Variants in ATP10A observed in about 807,000 individuals in gnomAD.
ATP10A encodes phospholipid-transporting ATPase VA.
A neutral mutation model predicts 147.8 loss-of-function variants in ATP10A; 111 were observed. The ratio of observed to expected loss-of-function variants is 0.75; its 90% CI spans 0.64 to 0.88. The LOEUF (loss-of-function observed/expected upper bound fraction) is 0.88, where lower values mean the gene tolerates loss of function less well. Ranked by LOEUF, ATP10A falls within the 40% of genes least tolerant of loss-of-function variation. The pLI is 0.00. For missense variants in ATP10A, 1,927 were observed against 1,959.0 expected, an observed-to-expected ratio of 0.98 and a Z score of 0.31; for synonymous variants, 875 against 841.6, an observed-to-expected ratio of 1.04 and a Z score of -0.69.
In ATP10A at chr15:25,695,095, C is replaced by T. The variant is rs767439865; in HGVS notation, c.2812G>A (p.Gly938Ser). The change falls in exon 14 of 21, where the codon GGC becomes AGC. Residue 938 changes from glycine to serine, a missense_variant. Physicochemically the swap from Gly to Ser is moderately conservative, Grantham distance 56 (BLOSUM62 0). Transcript: ENST00000555815. The part of the protein sequence containing the change: ...DQCLCYVQSR[G>S]LQRAPEKTKG... ...GTCTTCTCAGGGGCTCTCTGGAGGC[C>T]TCTGGACTGCACGTAGCATAGGCAC... 6.2e-7 allele frequency: 1 copy of T among 1,614,136 alleles called. No individual in the cohort carries two copies. Among genetic ancestry groups the T allele is most frequent in the Non-Finnish European group, 8.5e-7 (1 of 1,180,022 alleles).
intron 2 of ATP10A, among the ~76,000 whole-genome samples, chr15:25,755,738 A>G (rs1445527881): frequency 1.3e-5 from 2 of 152,186 alleles, no homozygotes; most frequent in African/African-American, 2.4e-5. Context: ...TGCTTTGCCC[A>G]TTCATTAGTA....
At chr15:25,740,651 A>T (rs570960894) in intron 2 of ATP10A, among the ~76,000 whole-genome samples, 59 of 152,328 alleles carry the variant, frequency 3.9e-4, no homozygotes, top group African/African-American at 1.3e-3. Flanking sequence ...CAGCCTTGAC[A>T]TCACGCCTGG....
At chr15:25,685,639 TG>T (rs1178318013) in intron 16 of ATP10A, among the ~76,000 whole-genome samples, 1 of 152,048 alleles carries the variant, frequency 6.6e-6, no homozygotes, top group Non-Finnish European at 1.5e-5. Flanking sequence ...GACACCAGCC[TG>T]GGCAACATAG....
At chr15:25,752,674 G>A (rs1372585175) in intron 2 of ATP10A, among the ~76,000 whole-genome samples, 2 of 152,126 alleles carry the variant, frequency 1.3e-5, no homozygotes, top group Non-Finnish European at 2.9e-5. Context: ...ATAAATTTGA[G>A]GATTGCCTTT....
chr15:25,799,293 T>C (rs922544866), intron 1 of ATP10A, among the ~76,000 whole-genome samples: 2 of 152,146 alleles, frequency 1.3e-5, no homozygotes, highest in South Asian at 2.1e-4. Flanking sequence ...ACCCCCGTTA[T>C]GTCCAAACGC....
intron 15 of ATP10A, 140 bp downstream of exon 15, chr15:25,691,575 T>C: frequency 1.3e-6 from 1 of 766,972 alleles, no homozygotes; most frequent in East Asian, 2.5e-5. Flanking sequence ...GCAGCTGTAT[T>C]GAGCATCAGC....
chr15:25,680,354 T>C, intron 19 of ATP10A, 46 bp from the exon 20 acceptor site: 2 of 1,566,106 alleles, frequency 1.3e-6, no homozygotes, highest in Non-Finnish European at 1.8e-6. Context: ...CACCTAAAAG[T>C]GACAACAATG....
intron 1 of ATP10A, among the ~76,000 whole-genome samples, chr15:25,791,244 T>C (rs1269972852): frequency 1.4e-5 from 2 of 138,616 alleles, no homozygotes; most frequent in African/African-American, 5.2e-5. Context: ...CACACTTGGC[T>C]AGGGCAGGAC....
chr15:25,815,214 CACTT>C (rs1010946047), intron 1 of ATP10A, among the ~76,000 whole-genome samples: 1 of 152,182 alleles, frequency 6.6e-6, no homozygotes, highest in African/African-American at 2.4e-5. Context: ...AATGCCTACT[CACTT>C]AAACAACCCA....
downstream of ATP10A, among the ~76,000 whole-genome samples, chr15:25,673,516 T>C (rs1383379360): frequency 2.6e-5 from 4 of 152,200 alleles, no homozygotes; most frequent in East Asian, 3.9e-4. Flanking sequence ...GCCACACACA[T>C]AGGACTTTCA....
At chr15:25,806,266 T>C (rs1475455372) in intron 1 of ATP10A, among the ~76,000 whole-genome samples, 1 of 152,140 alleles carries the variant, frequency 6.6e-6, no homozygotes, top group Non-Finnish European at 1.5e-5. Flanking sequence ...TGTATGATGA[T>C]CCACTTCCAC....
In ATP10A at chr15:25,679,834, GTTCCCGA is replaced by G. The variant is rs765147553; in HGVS notation, c.4000_4006del (p.Ser1334ProfsTer40). 1 of 1,611,646 alleles carries G rather than the reference GTTCCCGA, an allele frequency of 6.2e-7. No individual in the cohort carries two copies. Among genetic ancestry groups the G allele is most frequent in the Non-Finnish European group, 8.5e-7 (1 of 1,179,942 alleles). On this transcript the variant is annotated frameshift_variant, in exon 21 of 21. Coordinates refer to ENST00000555815, the MANE Select transcript of ATP10A (RefSeq NM_024490.4). LOFTEE classifies it high-confidence loss of function. ...GACTGTCCTCCCTGATGAGTGCTCGGTTCCCGAGTCCTTCGGGAGGCGTCCCTGAGCA... is the reference window on the plus strand; with the variant it reads ...GACTGTCCTCCCTGATGAGTGCTCGGGTCCTTCGGGAGGCGTCCCTGAGCA...
At chr15:25,854,779 C>T (rs568342325) in intron 1 of ATP10A, among the ~76,000 whole-genome samples, 5 of 152,170 alleles carry the variant, frequency 3.3e-5, no homozygotes, top group African/African-American at 9.6e-5. Flanking sequence ...GAAAACAGGC[C>T]GGGCGCAGTG....
intron 16 of ATP10A, 103 bp from the exon 17 acceptor site, chr15:25,683,589 T>C: frequency 8.7e-7 from 1 of 1,145,628 alleles, no homozygotes; most frequent in South Asian, 1.5e-5. Flanking sequence ...ACAGTCAAGA[T>C]TAAATGTATT....
chr15:25,726,141 C>T (rs1902532217), intron 4 of ATP10A, 59 bp from the exon 5 acceptor site: 4 of 1,575,010 alleles, frequency 2.5e-6, no homozygotes, highest in Admixed American at 1.7e-5. Context: ...GGACCAGCTG[C>T]ATGGATGGCG....
intron 7 of ATP10A, among the ~76,000 whole-genome samples, chr15:25,721,452 C>A (rs1158104838): frequency 1.3e-5 from 2 of 152,082 alleles, no homozygotes; most frequent in East Asian, 1.9e-4. Flanking sequence ...CGTGCCAGTG[C>A]CTGTTCTATA....
intron 1 of ATP10A, among the ~76,000 whole-genome samples, chr15:25,844,455 T>G (rs112479776): frequency 3.3e-5 from 5 of 152,374 alleles, no homozygotes; most frequent in African/African-American, 1.2e-4. Context: ...TTTGATTTTA[T>G]GATGTCATAT....
intron 1 of ATP10A, among the ~76,000 whole-genome samples, chr15:25,847,289 T>A (rs1358532376): frequency 6.6e-6 from 1 of 152,200 alleles, no homozygotes; most frequent in Non-Finnish European, 1.5e-5. Context: ...CAGGGCCACC[T>A]GTTCTGCTCC....
chr15:25,683,682 C>T (rs1899553415), intron 16 of ATP10A, 196 bp from the exon 17 acceptor site: 1 of 594,364 alleles, frequency 1.7e-6, no homozygotes, highest in Admixed American at 3.0e-5. Context: ...TTCCCTTCGC[C>T]CTCCTCACTC....
Sources: gnomAD v4.1 joint callset for allele counts (sites outside exome capture counted in the v4.1 genomes callset) on GRCh38, gnomAD v4.1.1 for gene constraint, MANE v1.5 for transcripts, NCBI Gene and HGNC (gene_info 2026-07-23, HGNC 2026-07-21) for gene names.